Variants in URI1 observed in about 807,000 individuals in gnomAD.
URI1 encodes unconventional prefoldin RPB5 interactor 1.
A neutral mutation model predicts 60.2 loss-of-function variants in URI1; 39 were observed. The observed-to-expected ratio is 0.65, with a 90% CI of 0.50 to 0.85. The LOEUF (loss-of-function observed/expected upper bound fraction) is 0.85, where lower values mean the gene tolerates loss of function less well. URI1 is among the 40% of genes least tolerant of loss of function. The pLI, the probability that URI1 is intolerant of heterozygous loss-of-function variation, is 0.00. For synonymous variants in URI1, 251 were observed against 236.8 expected, an observed-to-expected ratio of 1.06 and a Z score of -0.55; for missense variants, 691 against 665.9, an observed-to-expected ratio of 1.04 and a Z score of -0.42.
At chr19:29,950,886 C>T (rs1027190038) in intron 1 of URI1, among the ~76,000 whole-genome samples, 3 of 152,164 alleles carry the variant, frequency 2.0e-5, no homozygotes, top group Non-Finnish European at 2.9e-5. Context: ...ATTTTTGAAG[C>T]GTTAGATCAG....
chr19:29,970,121 C>T (rs1200344730), intron 1 of URI1, among the ~76,000 whole-genome samples: 26 of 121,578 alleles, frequency 2.1e-4, no homozygotes, highest in South Asian at 7.9e-4. Flanking sequence ...TAAAAAAAAT[C>T]GTGTGTATTT....
At position 29,923,756 on chromosome 19, in the gene URI1, T is replaced by C. The variant is rs770575642; in HGVS notation, c.63+2T>C. 1 of 1,536,600 alleles carries C rather than the reference T, an allele frequency of 6.5e-7. No individual in the cohort carries two copies. Among genetic ancestry groups the C allele is most frequent in the Non-Finnish European group, 8.7e-7 (1 of 1,146,892 alleles). ...AAGAGGGCTCTGGCATATGCATTGG[T>C]GAGTTGAAGCTTGACAGTGTTATAG... On this transcript the variant is annotated splice_donor_variant, in intron 1 of 10. Transcript: ENST00000360605. LOFTEE classifies it high-confidence loss of function.
Position 30,007,650 on chromosome 19 carries a change from C to A in URI1, c.686+12C>A, listed in dbSNP as rs2055962212. 11 of 1,566,282 alleles carry A rather than the reference C, an allele frequency of 7.0e-6. No individual in the cohort carries two copies. Among genetic ancestry groups the A allele is most frequent in the Non-Finnish European group, 9.5e-6 (11 of 1,159,960 alleles). Reference sequence around the variant, plus strand: ...GGTGAACTTGATAGGTACTTGATGACAAATTATCTTTCCAAGATAATTTGT... The same window carrying A: ...GGTGAACTTGATAGGTACTTGATGAAAAATTATCTTTCCAAGATAATTTGT... On this transcript the variant is annotated intron_variant, in intron 7 of 10. Transcript: ENST00000392271.
intron 4 of URI1, among the ~76,000 whole-genome samples, chr19:29,999,929 T>C (rs2055857103): frequency 6.6e-6 from 1 of 151,894 alleles, no homozygotes; most frequent in Non-Finnish European, 1.5e-5. Context: ...TTTACTCTGC[T>C]CTTTTTATTC....
At chr19:30,007,397 T>C in intron 6 of URI1, 73 bp from the exon 7 acceptor site, 7 of 1,499,484 alleles carry the variant, frequency 4.7e-6, no homozygotes, top group Admixed American at 2.1e-5. Flanking sequence ...CAAAAGAAAG[T>C]CTCATTAAGT....
At chr19:29,982,455 A>ATGG (rs1446006059) in intron 2 of URI1, among the ~76,000 whole-genome samples, 1 of 152,202 alleles carries the variant, frequency 6.6e-6, no homozygotes, top group Non-Finnish European at 1.5e-5. Flanking sequence ...GACTTATTGA[A>ATGG]TGGTGACTTT....
intron 6 of URI1, 96 bp downstream of exon 6, chr19:30,005,804 A>G: frequency 8.7e-7 from 1 of 1,153,934 alleles, no homozygotes; most frequent in East Asian, 2.5e-5. Context: ...GATTTAGAAT[A>G]CACTTTTAAA....
intron 8 of URI1, among the ~76,000 whole-genome samples, chr19:30,010,220 T>C (rs2056000497): frequency 6.6e-6 from 1 of 152,180 alleles, no homozygotes; most frequent in Non-Finnish European, 1.5e-5. Flanking sequence ...CAGTTAAGGG[T>C]CTGTGGTATC....
At chr19:29,991,367 G>A (rs1375500980) in intron 4 of URI1, among the ~76,000 whole-genome samples, 1 of 152,156 alleles carries the variant, frequency 6.6e-6, no homozygotes, top group African/African-American at 2.4e-5. Flanking sequence ...TTGTGGAGCT[G>A]TTGTAAATGA....
chr19:29,967,703 G>A (rs1021405657), intron 1 of URI1, among the ~76,000 whole-genome samples: 1 of 152,186 alleles, frequency 6.6e-6, no homozygotes, highest in Non-Finnish European at 1.5e-5. Context: ...TATCCAGTAA[G>A]CCGCATGATG....
intron 1 of URI1, among the ~76,000 whole-genome samples, chr19:29,926,922 C>G (rs2054873044): frequency 6.6e-6 from 1 of 152,182 alleles, no homozygotes; most frequent in Non-Finnish European, 1.5e-5. Context: ...GGGAGAGCAC[C>G]TGCTTGTACT....
chr19:30,012,589 C>G, intron 10 of URI1, 58 bp downstream of exon 10: 1 of 1,554,192 alleles, frequency 6.4e-7, no homozygotes, highest in Non-Finnish European at 8.7e-7. Context: ...CCAGTTTTAG[C>G]TATTTAATCT....
At chr19:29,980,810 T>C (rs1251064734) in intron 2 of URI1, among the ~76,000 whole-genome samples, 1 of 149,494 alleles carries the variant, frequency 6.7e-6, no homozygotes, top group African/African-American at 2.5e-5. Flanking sequence ...TAATCTCAGC[T>C]ACTCAGGAGG....
intron 2 of URI1, among the ~76,000 whole-genome samples, chr19:29,975,072 CTT>C (rs376515692): frequency 7.0e-6 from 1 of 142,728 alleles, no homozygotes. Flanking sequence ...TGGCAGAATG[CTT>C]TTTTTTTTTG....
intron 2 of URI1, among the ~76,000 whole-genome samples, chr19:29,979,332 G>A (rs1430528193): frequency 3.3e-5 from 5 of 152,030 alleles, no homozygotes; most frequent in Non-Finnish European, 5.9e-5. Flanking sequence ...GGCACTTTAG[G>A]ATATTTCTTT....
At chr19:29,986,915 AG>A (rs1285772666) in intron 4 of URI1, among the ~76,000 whole-genome samples, 1 of 152,178 alleles carries the variant, frequency 6.6e-6, no homozygotes, top group East Asian at 1.9e-4. Context: ...AGGTGTGAAA[AG>A]GTGCTACCTA....
At chr19:29,967,450 C>T (rs529649981) in intron 1 of URI1, among the ~76,000 whole-genome samples, 1 of 152,162 alleles carries the variant, frequency 6.6e-6, no homozygotes, top group African/African-American at 2.4e-5. Flanking sequence ...GTAAATGATG[C>T]TTGGGAAATG....
rs2055668726 is a variant in URI1, at chr19:29,986,325, A to G, written c.275A>G (p.His92Arg). Residue 92 changes from histidine to arginine, a missense_variant, in exon 4 of 11, where the codon CAT (histidine) becomes CGT (arginine). His to Arg is a conservative substitution (Grantham distance 29). Coordinates refer to ENST00000392271, the MANE Select transcript of URI1 (RefSeq NM_003796.3). ...GCCTTCATGCCAGGAAAACTTGTCC[A>G]TACTAATGAAGTCACTGTTTTACTG... ...PFAFMPGKLV[H>R]TNEVTVLLGD... is the part of the protein sequence containing the mutation. The G allele has an allele frequency of 5.0e-6, 8 of 1,609,986 alleles. No homozygotes were observed. The highest frequency in any genetic ancestry group is 6.8e-6 in the Non-Finnish European group (8 of 1,179,408).
intron 1 of URI1, chr19:29,956,455 A>G (rs1599671969): frequency 1.9e-6 from 3 of 1,588,346 alleles, no homozygotes; most frequent in African/African-American, 2.7e-5. Flanking sequence ...AGAGACATAG[A>G]TACCATCCAA....
Sources: allele counts gnomAD v4.1 joint callset (sites outside exome capture counted in the v4.1 genomes callset), GRCh38; gene constraint gnomAD v4.1.1; transcripts MANE v1.5; gene names NCBI Gene and HGNC (gene_info 2026-07-23, HGNC 2026-07-21).